EEA1: variants seen among roughly 807,000 people sequenced by gnomAD.
EEA1 encodes the protein early endosome antigen 1.
A neutral mutation model predicts 209.2 loss-of-function variants in EEA1; 111 were observed. The observed-to-expected ratio is 0.53, with a 90% CI of 0.45 to 0.62. The LOEUF (loss-of-function observed/expected upper bound fraction) is 0.62, where lower values mean the gene tolerates loss of function less well. Ranked by LOEUF, EEA1 falls within the 20% of genes least tolerant of loss-of-function variation. The pLI, the probability that EEA1 is intolerant of heterozygous loss-of-function variation, is 0.00. For missense variants in EEA1, 1,343 were observed against 1,530.8 expected (o/e 0.88, Z 2.05); for synonymous variants, 536 against 540.6 (o/e 0.99, Z 0.12).
At chr12:92,779,465 T>TTA (rs1258288430) in intron 24 of EEA1, among the ~76,000 whole-genome samples, 165 bp from the exon 25 acceptor site, 3 of 152,106 alleles carry the variant, frequency 2.0e-5, no homozygotes, top group Admixed American at 1.3e-4. Flanking sequence ...AGATACAAGA[T>TTA]TATAGTATGT....
chr12:92,881,291 T>C (rs1879128000), intron 2 of EEA1, among the ~76,000 whole-genome samples: 1 of 151,776 alleles, frequency 6.6e-6, no homozygotes, highest in Admixed American at 6.6e-5. Flanking sequence ...GTGCCTATGG[T>C]CCCCAGCTAC....
intron 21 of EEA1, among the ~76,000 whole-genome samples, chr12:92,791,401 T>C (rs1395041959): frequency 6.6e-6 from 1 of 152,100 alleles, no homozygotes; most frequent in Non-Finnish European, 1.5e-5. Flanking sequence ...AAGACGCATA[T>C]AGGCTCAAAA....
chr12:92,873,055 A>G (rs982931685), intron 2 of EEA1, among the ~76,000 whole-genome samples: 11 of 152,228 alleles, frequency 7.2e-5, no homozygotes, highest in African/African-American at 2.4e-4. Context: ...TTATAACATC[A>G]TGAGTGTCAG....
At position 92,776,897 on chromosome 12, in the gene EEA1, C is replaced by A; in HGVS notation, c.4060G>T (p.Glu1354Ter). The change falls in exon 28 of 29, where the codon GAA becomes TAA. Residue 1354 changes from glutamate to a stop codon, truncating the protein, a stop_gained. Transcript: ENST00000322349. LOFTEE classifies it high-confidence loss of function. ...CCACAGGCCATACAGTTTTGTACTT[C>A]ATTGTCTTCGGCCCACTTTCTATTC... ...ALNRKWAEDN[E>*]VQNCMACGKG... 1 of 1,612,050 alleles carries A rather than the reference C, an allele frequency of 6.2e-7. No homozygotes were observed. The highest frequency in any genetic ancestry group is 8.5e-7 in the Non-Finnish European group (1 of 1,178,518).
chr12:92,887,691 A>T (rs919001505), intron 2 of EEA1, among the ~76,000 whole-genome samples: 1 of 152,190 alleles, frequency 6.6e-6, no homozygotes, highest in Non-Finnish European at 1.5e-5. Flanking sequence ...AATAAATGAT[A>T]AAGGGAGAAA....
intron 3 of EEA1, chr12:92,858,607 G>T (rs1979804): frequency 0.92 from 681,037 of 738,306 alleles, 314,727 homozygotes; most frequent in East Asian, 0.96. Flanking sequence ...CACTTTGCCT[G>T]GGTTATGCCC....
At chr12:92,877,127 CTTTTTTCT>C in intron 2 of EEA1, among the ~76,000 whole-genome samples, 1 of 146,882 alleles carries the variant, frequency 6.8e-6, no homozygotes, top group Admixed American at 6.8e-5. Flanking sequence ...TTTCTTTTTT[CTTTTTTCT>C]TTTTTTTTTT....
chr12:92,860,818 A>T (rs1402762495), intron 3 of EEA1, among the ~76,000 whole-genome samples: 6 of 151,968 alleles, frequency 3.9e-5, no homozygotes, highest in African/African-American at 1.5e-4. Flanking sequence ...GAGGTTCATT[A>T]TATATGTCTG....
chr12:92,781,794 AATCCCAATG>A (rs1471255598), intron 23 of EEA1, among the ~76,000 whole-genome samples, 147 bp downstream of exon 23: 2 of 152,186 alleles, frequency 1.3e-5, no homozygotes, highest in Non-Finnish European at 2.9e-5. Context: ...CTAGCATTAA[AATCCCAATG>A]ATCAAAAGTG....
intron 22 of EEA1, among the ~76,000 whole-genome samples, chr12:92,783,964 A>G (rs1874017949): frequency 6.6e-6 from 1 of 152,166 alleles, no homozygotes; most frequent in Admixed American, 6.6e-5. Context: ...CTTATTTATG[A>G]GGATTCTTAA....
At chr12:92,784,351 A>G (rs1677609867) in intron 22 of EEA1, among the ~76,000 whole-genome samples, 2 of 152,220 alleles carry the variant, frequency 1.3e-5, no homozygotes, top group African/African-American at 4.8e-5. Flanking sequence ...ACATGTGGGA[A>G]CTGACCTATA....
intron 18 of EEA1, among the ~76,000 whole-genome samples, chr12:92,805,030 T>C (rs1282551087): frequency 6.6e-6 from 1 of 152,118 alleles, no homozygotes; most frequent in African/African-American, 2.4e-5. Context: ...AACCATGAGA[T>C]TAGAACATAG....
intron 13 of EEA1, 147 bp downstream of exon 13, chr12:92,826,019 C>T: frequency 1.3e-6 from 1 of 776,486 alleles, no homozygotes; most frequent in Non-Finnish European, 1.8e-6. Flanking sequence ...TTATCAAAAT[C>T]CCTCACAATC....
chr12:92,816,358 G>A lies in EEA1; in HGVS notation c.1771C>T (p.His591Tyr). The part of the protein sequence containing the change: ...TEKLKNQSES[H>Y]KQAQENLHDQ... ...TGCAAATTCTCCTGGGCTTGTTTAT[G>A]ACTTTCTGACTGATTCTTCAGCTTC... The change falls in exon 15 of 29, where the codon CAT (histidine) becomes TAT (tyrosine). Residue 591 changes from histidine (H) to tyrosine (Y), a missense_variant. Transcript: ENST00000322349. 1 of 1,613,812 alleles carries A rather than the reference G, an allele frequency of 6.2e-7. No individual in the cohort carries two copies.
intron 9 of EEA1, among the ~76,000 whole-genome samples, chr12:92,844,963 A>T (rs182015967): frequency 6.6e-6 from 1 of 152,194 alleles, no homozygotes; most frequent in Admixed American, 6.5e-5. Context: ...AGTAAGAATA[A>T]GAATAGAATT....
At chr12:92,876,258 G>A (rs1878877432) in intron 2 of EEA1, among the ~76,000 whole-genome samples, 1 of 151,212 alleles carries the variant, frequency 6.6e-6, no homozygotes, top group African/African-American at 2.4e-5. Flanking sequence ...TTTATTTTTT[G>A]TAGAGATGGC....
intron 15 of EEA1, 37 bp from the exon 16 acceptor site, chr12:92,813,130 AGTTC>A: frequency 7.3e-7 from 1 of 1,371,874 alleles, no homozygotes; most frequent in East Asian, 2.4e-5. Context: ...ATTTATATTT[AGTTC>A]TTGATTTCCT....
At chr12:92,927,618 A>G (rs1007213788) in intron 1 of EEA1, among the ~76,000 whole-genome samples, 5 of 152,222 alleles carry the variant, frequency 3.3e-5, no homozygotes, top group Non-Finnish European at 7.3e-5. Context: ...CAGGCAAACT[A>G]ATTTTCACTT....
intron 1 of EEA1, among the ~76,000 whole-genome samples, chr12:92,922,959 A>AAAAAT (rs77973737): frequency 0.29 from 42,136 of 145,344 alleles, 6,754 homozygotes; most frequent in East Asian, 0.5. Context: ...ACTCCACCTC[A>AAAAAT]AAAATAAAAT....
Sources: allele counts gnomAD v4.1 joint callset (sites outside exome capture counted in the v4.1 genomes callset), GRCh38; gene constraint gnomAD v4.1.1; transcripts MANE v1.5; gene names NCBI Gene and HGNC (gene_info 2026-07-23, HGNC 2026-07-21).